FAM13C: variants seen among roughly 807,000 people sequenced by gnomAD.
FAM13C encodes the protein family with sequence similarity 13 member C.
Under a neutral mutation model 73.2 loss-of-function variants are expected in FAM13C, and 37 were observed. That is an observed-to-expected ratio of 0.51 (90% CI 0.39 to 0.67). The LOEUF is 0.67. FAM13C is among the 30% of genes least tolerant of loss of function. FAM13C has a pLI of 0.00. For missense variants in FAM13C, 589 were observed against 715.6 expected, an observed-to-expected ratio of 0.82 and a Z score of 2.02; for synonymous variants, 246 against 260.9, an observed-to-expected ratio of 0.94 and a Z score of 0.55.
Position 59,333,893 on chromosome 10 carries a change from T to C in FAM13C, c.325-9787A>G, listed in dbSNP as rs75200095. Among the ~76,000 whole-genome samples, 1,282 of 152,330 alleles carry C rather than the reference T, an allele frequency of 8.4e-3. 27 individuals carry two copies. Among genetic ancestry groups the C allele is most frequent in the African/African-American group, 0.03 (1,230 of 41,582 alleles). Reference sequence around the variant, plus strand: ...TATCAACAAGGGACGTCTCTGCCTTTCCTTCTGCTGAACTAGTCATTGAGG... The same window carrying C: ...TATCAACAAGGGACGTCTCTGCCTTCCCTTCTGCTGAACTAGTCATTGAGG... On this transcript the variant is annotated intron_variant, in intron 3 of 13. Transcript: ENST00000618804.
intron 1 of FAM13C, among the ~76,000 whole-genome samples, chr10:59,359,243 G>A (rs767009705): frequency 1.1e-4 from 16 of 152,148 alleles, no homozygotes; most frequent in East Asian, 1.9e-4. Context: ...GGCCTCAATC[G>A]GTGAAGCCTG....
intron 5 of FAM13C, among the ~76,000 whole-genome samples, chr10:59,295,195 T>A (rs1846751115): frequency 6.6e-6 from 1 of 152,202 alleles, no homozygotes. Flanking sequence ...CAAACACTAA[T>A]CTAGGTACTT....
intron 3 of FAM13C, among the ~76,000 whole-genome samples, chr10:59,350,478 C>A (rs1171707709): frequency 6.6e-6 from 1 of 152,120 alleles, no homozygotes; most frequent in African/African-American, 2.4e-5. Flanking sequence ...CTGGGGGCAG[C>A]CTTTGGGGAA....
chr10:59,302,743 T>G, intron 5 of FAM13C, 58 bp downstream of exon 5: 1 of 1,491,512 alleles, frequency 6.7e-7, no homozygotes. Context: ...TGAAAAAGAA[T>G]AGTAAATCTC....
rs552299098 is a variant in FAM13C, at chr10:59,289,961, G to T, written c.508-6514C>A. Reference sequence around the variant, plus strand: ...CTCCTCAAACGAATGTCTAGAATCTGCAGGAAAATTGAGTAAGGGCTAACA... The same window carrying T: ...CTCCTCAAACGAATGTCTAGAATCTTCAGGAAAATTGAGTAAGGGCTAACA... On this transcript the variant is annotated intron_variant, in intron 5 of 13. Transcript: ENST00000618804. 5.3e-5 allele frequency among the ~76,000 whole-genome samples: 8 copies of T among 152,218 alleles called. No homozygotes were observed. The South Asian group carries it at 1.7e-3, about 32-fold the overall frequency.
chr10:59,326,248 G>A (rs1851106353), intron 3 of FAM13C, among the ~76,000 whole-genome samples: 1 of 152,070 alleles, frequency 6.6e-6, no homozygotes, highest in Admixed American at 6.6e-5. Flanking sequence ...CTCTAAAATG[G>A]GAAGATAAGG....
chr10:59,313,757 A>G (rs1849213358), intron 4 of FAM13C, among the ~76,000 whole-genome samples: 1 of 152,152 alleles, frequency 6.6e-6, no homozygotes, highest in South Asian at 2.1e-4. Context: ...GAAGCACAAG[A>G]ATTTAGCCAG....
At chr10:59,257,181 A>G (rs1019864757) in intron 10 of FAM13C, among the ~76,000 whole-genome samples, 1 of 152,202 alleles carries the variant, frequency 6.6e-6, no homozygotes. Flanking sequence ...AGAGAGGACC[A>G]TATATAGGAC....
At chr10:59,291,933 C>T (rs572629845) in intron 5 of FAM13C, among the ~76,000 whole-genome samples, 26 of 151,882 alleles carry the variant, frequency 1.7e-4, no homozygotes, top group East Asian at 7.8e-4. Context: ...GGACTACAGG[C>T]GCCCACCATC....
At chr10:59,329,857 GA>G in intron 3 of FAM13C, among the ~76,000 whole-genome samples, 1 of 152,268 alleles carries the variant, frequency 6.6e-6, no homozygotes, top group East Asian at 1.9e-4. Flanking sequence ...CATTTACTAG[GA>G]GGTAGGTTTT....
intron 4 of FAM13C, among the ~76,000 whole-genome samples, chr10:59,311,461 C>T (rs1306200040): frequency 1.3e-5 from 2 of 152,198 alleles, no homozygotes; most frequent in African/African-American, 4.8e-5. Flanking sequence ...CTTTCATCAC[C>T]TCATTCATTC....
At chr10:59,296,467 G>T (rs1231754258) in intron 5 of FAM13C, among the ~76,000 whole-genome samples, 1 of 152,110 alleles carries the variant, frequency 6.6e-6, no homozygotes, top group Non-Finnish European at 1.5e-5. Context: ...ACAGTAGTAT[G>T]GGAAGAAAAA....
chr10:59,361,127 T>G (rs1183119493), intron 1 of FAM13C: 4 of 1,286,412 alleles, frequency 3.1e-6, no homozygotes, highest in Non-Finnish European at 4.1e-6. Context: ...AAAAGCAACA[T>G]TGCAGCACAG....
chr10:59,311,059 C>T (rs1848857694), intron 4 of FAM13C, among the ~76,000 whole-genome samples: 1 of 152,178 alleles, frequency 6.6e-6, no homozygotes, highest in Admixed American at 6.5e-5. Context: ...CCAGGGAACA[C>T]ATTCCCAAAG....
intron 6 of FAM13C, among the ~76,000 whole-genome samples, chr10:59,279,285 C>A (rs958810282): frequency 1.3e-5 from 2 of 152,124 alleles, no homozygotes; most frequent in East Asian, 3.8e-4. Context: ...GTCAAGTGGA[C>A]AGTGTCTGGA....
At chr10:59,274,575 G>A (rs1844112015) in intron 6 of FAM13C, among the ~76,000 whole-genome samples, 1 of 152,108 alleles carries the variant, frequency 6.6e-6, no homozygotes, top group South Asian at 2.1e-4. Context: ...AACAGGGCTG[G>A]GCTTCATGAC....
intron 4 of FAM13C, among the ~76,000 whole-genome samples, chr10:59,316,964 T>C (rs955625359): frequency 6.6e-6 from 1 of 152,208 alleles, no homozygotes; most frequent in African/African-American, 2.4e-5. Flanking sequence ...TGTAATTATG[T>C]ATAATATATT....
intron 3 of FAM13C, among the ~76,000 whole-genome samples, chr10:59,331,229 G>A (rs1261587272): frequency 6.6e-6 from 1 of 152,190 alleles, no homozygotes; most frequent in African/African-American, 2.4e-5. Flanking sequence ...AGGACAAAGT[G>A]TGTGATGCTT....
At chr10:59,301,717 TTTCTC>T (rs1219160110) in intron 5 of FAM13C, among the ~76,000 whole-genome samples, 1 of 152,238 alleles carries the variant, frequency 6.6e-6, no homozygotes, top group African/African-American at 2.4e-5. Context: ...TCTTGCCTCT[TTTCTC>T]TTAAACTCTT....
Sources: allele counts gnomAD v4.1 joint callset (sites outside exome capture counted in the v4.1 genomes callset), GRCh38; gene constraint gnomAD v4.1.1; transcripts MANE v1.5; gene names NCBI Gene and HGNC (gene_info 2026-07-23, HGNC 2026-07-21).